The following GORAB variants were observed in gnomAD, a reference collection of about 807,000 sequenced individuals.
GORAB encodes the protein golgin, RAB6 interacting, also known as RAB6-interacting golgin.
GORAB carries 17 observed loss-of-function variants against 29.9 expected under a neutral mutation model. The ratio of observed to expected loss-of-function variants is 0.57; its 90% CI spans 0.39 to 0.85. GORAB has a LOEUF of 0.85. GORAB is among the 40% of genes least tolerant of loss of function. The pLI is 0.00. For missense variants in GORAB, 442 were observed against 437.8 expected (o/e 1.01, Z -0.09); for synonymous variants, 183 against 157.2 (o/e 1.16, Z -1.23).
In GORAB at chr1:170,539,067, T is replaced by C. The variant is rs567462237; in HGVS notation, c.62-143T>C. The C allele has an allele frequency of 8.2e-6, 8 of 973,498 alleles. No individual in the cohort carries two copies. The East Asian group carries it at 1.3e-4, about 16-fold the overall frequency. The allele number at this position is 973,498 out of a possible 1,614,324, so 60.3% of individuals were successfully genotyped here. A position where few individuals can be genotyped will look rare whatever the true frequency, so the allele number is the denominator to read the frequency against. On this transcript the variant is annotated intron_variant, in intron 1 of 4. Coordinates refer to ENST00000367763, the MANE Select transcript of GORAB (RefSeq NM_152281.3). ...AACTCTACAGGAAGATGGCTGTTTTTCCCCTAGACTTTCAAGATAGAGAAT... is the reference window on the plus strand; with the variant it reads ...AACTCTACAGGAAGATGGCTGTTTTCCCCCTAGACTTTCAAGATAGAGAAT...
intron 3 of GORAB, among the ~76,000 whole-genome samples, chr1:170,544,388 A>G (rs1161154261): frequency 6.6e-6 from 1 of 152,196 alleles, no homozygotes; most frequent in East Asian, 1.9e-4. Flanking sequence ...GCTCTGTTGA[A>G]TGTTTCAATG....
intron 4 of GORAB, among the ~76,000 whole-genome samples, chr1:170,547,430 GCTA>G (rs1649831971): frequency 6.6e-6 from 1 of 151,774 alleles, no homozygotes; most frequent in Non-Finnish European, 1.5e-5. Context: ...TGCTACTGCT[GCTA>G]CTGCTGCTAC....
At chr1:170,533,470 A>G (rs548095491) in intron 1 of GORAB, 428 of 424,586 alleles carry the variant, frequency 1.0e-3, no homozygotes, top group Middle Eastern at 1.7e-3. Context: ...ACAGGGTACA[A>G]GTGCCCTGGC....
chr1:170,534,260 A>C (rs1211185632), intron 1 of GORAB, among the ~76,000 whole-genome samples: 1 of 152,208 alleles, frequency 6.6e-6, no homozygotes, highest in East Asian at 1.9e-4. Context: ...ATGTTTGTTA[A>C]TACAGTATAT....
rs115291697 is a variant in GORAB, at chr1:170,548,979, T to C, written c.663-3036T>C. Among the ~76,000 whole-genome samples, 1,289 of 152,268 alleles carry C rather than the reference T, an allele frequency of 8.5e-3. 25 individuals carry two copies. Among genetic ancestry groups the C allele is most frequent in the African/African-American group, 0.029 (1,216 of 41,560 alleles). ...AAGATAAAAATTATGAAATGCTAAT[T>C]TATACAAATAGTGAGAACTGCTCAG... On this transcript the variant is annotated intron_variant, in intron 4 of 4. Transcript: ENST00000367763.
chr1:170,539,652 T>A, intron 2 of GORAB, 85 bp downstream of exon 2: 11 of 1,414,426 alleles, frequency 7.8e-6, no homozygotes, highest in Non-Finnish European at 9.7e-6. Flanking sequence ...ATAATTTGTT[T>A]ATTTTAACAT....
chr1:170,547,307 C>T (rs1004384211), intron 4 of GORAB, among the ~76,000 whole-genome samples: 1 of 151,916 alleles, frequency 6.6e-6, no homozygotes, highest in Non-Finnish European at 1.5e-5. Flanking sequence ...GTGAATAGGC[C>T]AGAACTTGCT....
chr1:170,552,917 A>C lies in GORAB; in HGVS notation c.*455A>C, dbSNP rs770254861. ...AAAATTACAGTGTGAACAAGAGAAAAACAGGAATAGAAGAAAAAAGTTGCA... is the reference window on the plus strand; with the variant it reads ...AAAATTACAGTGTGAACAAGAGAAACACAGGAATAGAAGAAAAAAGTTGCA... On this transcript the variant is annotated 3_prime_UTR_variant, in exon 5 of 5. Coordinates refer to ENST00000367763, the MANE Select transcript of GORAB (RefSeq NM_152281.3). 2.2e-6 allele frequency: 1 copy of C among 451,010 alleles called. No individual in the cohort carries two copies. The highest frequency in any genetic ancestry group is 1.6e-5 in the South Asian group (1 of 63,270). The allele number at this position is 451,010 out of a possible 1,614,324, so 27.9% of individuals were successfully genotyped here. A position where few individuals can be genotyped will look rare whatever the true frequency, so the allele number is the denominator to read the frequency against.
At chr1:170,537,703 C>T (rs1473090477) in intron 1 of GORAB, among the ~76,000 whole-genome samples, 3 of 152,130 alleles carry the variant, frequency 2.0e-5, no homozygotes, top group Non-Finnish European at 2.9e-5. Flanking sequence ...ACTAGACTTA[C>T]GCTTCTCAGT....
intron 1 of GORAB, among the ~76,000 whole-genome samples, chr1:170,537,225 G>A (rs936884823): frequency 6.6e-6 from 1 of 151,830 alleles, no homozygotes; most frequent in South Asian, 2.1e-4. Flanking sequence ...TATTTGCTAA[G>A]CCAGCTATAC....
intron 1 of GORAB, among the ~76,000 whole-genome samples, chr1:170,534,659 T>C (rs1044937816): frequency 5.9e-4 from 90 of 152,330 alleles, no homozygotes; most frequent in Non-Finnish European, 2.4e-4. Context: ...TACAGTTGCC[T>C]ACAGTCTTCA....
Position 170,544,600 on chromosome 1 carries a change from A to G in GORAB, c.522-105A>G, listed in dbSNP as rs941199170. On this transcript the variant is annotated intron_variant, in intron 3 of 4. Coordinates refer to ENST00000367763, the MANE Select transcript of GORAB (RefSeq NM_152281.3). ...GATTTTTTTCTAACTTTTAAAATATAAATTATAAATGTATATGCAGTATCT... is the reference window on the plus strand; with the variant it reads ...GATTTTTTTCTAACTTTTAAAATATGAATTATAAATGTATATGCAGTATCT... The G allele has an allele frequency of 1.6e-5, 12 of 729,122 alleles. No homozygotes were observed. The African/African-American group carries it at 1.8e-4, about 11-fold the overall frequency. The allele number at this position is 729,122 out of a possible 1,614,324, so 45.2% of individuals were successfully genotyped here.
At chr1:170,536,697 T>G (rs1388288074) in intron 1 of GORAB, among the ~76,000 whole-genome samples, 2 of 152,192 alleles carry the variant, frequency 1.3e-5, no homozygotes, top group Non-Finnish European at 2.9e-5. Flanking sequence ...TGGAAGAAGA[T>G]CAATAGACTC....
chr1:170,532,284 G>C lies in GORAB; in HGVS notation c.61G>C (p.Asp21His). The C allele has an allele frequency of 1.2e-6, 2 of 1,614,098 alleles. No individual in the cohort carries two copies. The highest frequency in any genetic ancestry group is 1.7e-6 in the Non-Finnish European group (2 of 1,179,970). The change falls in exon 1 of 5, where the codon GAT (aspartate) becomes CAT (histidine). Residue 21 changes from aspartate (D) to histidine (H), a missense_variant and splice_region_variant. By Grantham distance (81) the Asp-to-His change is moderately conservative (BLOSUM62 -1). Coordinates refer to ENST00000367763, the MANE Select transcript of GORAB (RefSeq NM_152281.3). ...ACTGAGGAGACTAAAGCAGACTAAA[G>C]GTTACAAGATGGGTTTACAGTGGTT... The part of the protein sequence containing the change: ...EELRRLKQTK[D>H]PFEPQRRLPA...
chr1:170,534,285 C>T (rs1484591163), intron 1 of GORAB, among the ~76,000 whole-genome samples: 1 of 152,134 alleles, frequency 6.6e-6, no homozygotes, highest in East Asian at 1.9e-4. Flanking sequence ...TTACACTTGG[C>T]CCTTGAACAA....
Position 170,544,850 on chromosome 1 carries a change from G to T in GORAB, c.662+5G>T, listed in dbSNP as rs1330106644. 1 of 1,605,778 alleles carries T rather than the reference G, an allele frequency of 6.2e-7. No homozygotes were observed. Among genetic ancestry groups the T allele is most frequent in the African/African-American group, 1.3e-5 (1 of 74,922 alleles). Reference sequence around the variant, plus strand: ...CTTAGACTATTCATACGCTCGGTGAGTTGGGGAAATTGAATCTGAACAAGG... The same window carrying T: ...CTTAGACTATTCATACGCTCGGTGATTTGGGGAAATTGAATCTGAACAAGG... On this transcript the variant is annotated splice_donor_5th_base_variant and intron_variant, in intron 4 of 4. Coordinates refer to ENST00000367763, the MANE Select transcript of GORAB (RefSeq NM_152281.3).
At chr1:170,541,827 G>A (rs1649443977) in intron 2 of GORAB, among the ~76,000 whole-genome samples, 1 of 151,964 alleles carries the variant, frequency 6.6e-6, no homozygotes, top group Non-Finnish European at 1.5e-5. Context: ...AAATGTCCAA[G>A]TTGGGCTGGG....
chr1:170,547,181 C>T (rs2101829979), intron 4 of GORAB, among the ~76,000 whole-genome samples: 1 of 151,966 alleles, frequency 6.6e-6, no homozygotes, highest in Non-Finnish European at 1.5e-5. Context: ...AAAGATAATC[C>T]CTAGGACAGT....
chr1:170,551,180 TTTTTGGTTGTCATAAA>T (rs1473801947), intron 4 of GORAB, among the ~76,000 whole-genome samples: 1 of 152,194 alleles, frequency 6.6e-6, no homozygotes, highest in Non-Finnish European at 1.5e-5. Flanking sequence ...CCTGGGGACA[TTTTTGGTTGTCATAAA>T]TTTTGGGAAT....
Sources: gnomAD v4.1 joint callset for allele counts (sites outside exome capture counted in the v4.1 genomes callset) on GRCh38, gnomAD v4.1.1 for gene constraint, MANE v1.5 for transcripts, NCBI Gene and HGNC (gene_info 2026-07-23, HGNC 2026-07-21) for gene names.